The following MEGF6 variants were observed in gnomAD, a reference collection of about 807,000 sequenced individuals.
The protein encoded by MEGF6 is multiple EGF like domains 6, also known as multiple epidermal growth factor-like domains protein 6.
In MEGF6, 184 loss-of-function variants were observed where a neutral mutation model predicts 207.1. The observed-to-expected ratio is 0.89, with a 90% CI of 0.79 to 1.00. The LOEUF is 1.00. Among genes scored for constraint, MEGF6 ranks in the 50% least tolerant of loss-of-function variants. MEGF6 has a pLI of 0.00. For synonymous variants in MEGF6, 1,038 were observed against 910.0 expected (o/e 1.14, Z -2.53); for missense variants, 2,282 against 2,202.9 (o/e 1.04, Z -0.72).
chr1:3,562,549 C>T (rs760893863), intron 4 of MEGF6, among the ~76,000 whole-genome samples: 12 of 152,218 alleles, frequency 7.9e-5, no homozygotes, highest in Admixed American at 1.3e-4. Context: ...ACACTCCCTG[C>T]GCCTCTGGCT....
the MEGF6 span, among the ~76,000 whole-genome samples, chr1:3,618,797 G>A: frequency 6.6e-6 from 1 of 152,172 alleles, no homozygotes; most frequent in African/African-American, 2.4e-5. This position sits in a 1 kb window ranked among gnomAD's most constrained non-coding sequence, Gnocchi z 4.7. Flanking sequence ...GAGAGGCTGA[G>A]AAACATTCCT....
At chr1:3,562,675 C>T (rs1570143328) in intron 4 of MEGF6, among the ~76,000 whole-genome samples, 1 of 152,370 alleles carries the variant, frequency 6.6e-6, no homozygotes, top group South Asian at 2.1e-4. Context: ...TGCTGGGAAC[C>T]CCCCAGGTCG....
At chr1:3,534,711 C>A (rs1642274181) in intron 4 of MEGF6, among the ~76,000 whole-genome samples, 1 of 152,252 alleles carries the variant, frequency 6.6e-6, no homozygotes, top group African/African-American at 2.4e-5. Flanking sequence ...GGGCGGGGGA[C>A]GTCCTGGGAA....
intron 3 of MEGF6, among the ~76,000 whole-genome samples, chr1:3,593,402 C>T (rs1644010585): frequency 6.6e-6 from 1 of 152,052 alleles, no homozygotes; most frequent in Non-Finnish European, 1.5e-5. Flanking sequence ...CCTCTACCTG[C>T]AGTTGCCTTC....
intron 4 of MEGF6, among the ~76,000 whole-genome samples, chr1:3,554,038 C>T (rs956931049): frequency 6.6e-6 from 1 of 152,226 alleles, no homozygotes; most frequent in Non-Finnish European, 1.5e-5. Flanking sequence ...CCTGTGCGAG[C>T]TTGCTCTGTG....
Position 3,500,642 on chromosome 1 carries a change from A to G in MEGF6, c.2698T>C (p.Cys900Arg), listed in dbSNP as rs1233000427. ...LCEAGYVGPR[C>R]EQQCPQGHFG... ...CAGGGCCGGGACTCACGCTGCTCGC[A>G]CCGCGGGCCCACGTAGCCAGCCTCA... The change falls in exon 21 of 37, where the codon TGC becomes CGC. Residue 900 changes from cysteine to arginine, a missense_variant. By Grantham distance (180) the Cys-to-Arg change is radical. Coordinates refer to ENST00000356575, the MANE Select transcript of MEGF6 (RefSeq NM_001409.4). 2 of 1,558,322 alleles carry G rather than the reference A, an allele frequency of 1.3e-6. No individual in the cohort carries two copies. Among genetic ancestry groups the G allele is most frequent in the Admixed American group, 3.8e-5 (2 of 52,166 alleles).
intron 4 of MEGF6, among the ~76,000 whole-genome samples, chr1:3,526,220 G>A (rs914692497): frequency 4.6e-5 from 7 of 152,290 alleles, no homozygotes; most frequent in East Asian, 3.9e-4. Flanking sequence ...GTAGTGCCCC[G>A]GCCAGAGAGG....
At chr1:3,543,839 C>G (rs1483607239) in intron 4 of MEGF6, among the ~76,000 whole-genome samples, 2 of 152,226 alleles carry the variant, frequency 1.3e-5, no homozygotes, top group African/African-American at 4.8e-5. Context: ...CGTCACCATG[C>G]TGGGCTCTGC....
intron 4 of MEGF6, among the ~76,000 whole-genome samples, chr1:3,542,231 C>T (rs796649810): frequency 1.9e-4 from 29 of 152,368 alleles, no homozygotes; most frequent in African/African-American, 6.5e-4. Context: ...GGGGTCCACC[C>T]GGCCCTGGAG....
chr1:3,513,577 CTTTTTT>C (rs757815891), intron 7 of MEGF6, among the ~76,000 whole-genome samples: 14 of 56,564 alleles, frequency 2.5e-4, no homozygotes, highest in African/African-American at 5.9e-4. Flanking sequence ...CACACCTGGG[CTTTTTT>C]TTTTTTTTTT....
At chr1:3,610,939 G>A (rs1644316415) in intron 1 of MEGF6, among the ~76,000 whole-genome samples, 199 bp downstream of exon 1, 2 of 152,222 alleles carry the variant, frequency 1.3e-5, no homozygotes, top group African/African-American at 4.8e-5. Flanking sequence ...AGGGGACACG[G>A]CGAGGGGCCC....
At chr1:3,592,256 G>A (rs1643991564) in intron 3 of MEGF6, among the ~76,000 whole-genome samples, 1 of 152,330 alleles carries the variant, frequency 6.6e-6, no homozygotes, top group Middle Eastern at 3.4e-3. Context: ...GGGCCTGCAG[G>A]CTTCCCTGCC....
At chr1:3,538,745 T>TGAGA (rs57713922) in intron 4 of MEGF6, among the ~76,000 whole-genome samples, 1 of 126,424 alleles carries the variant, frequency 7.9e-6, no homozygotes, top group Non-Finnish European at 1.7e-5. Context: ...TGTGTGTGTG[T>TGAGA]CCGCGCTGTC....
At chr1:3,529,055 T>C (rs1327695883) in intron 4 of MEGF6, among the ~76,000 whole-genome samples, 2 of 152,198 alleles carry the variant, frequency 1.3e-5, no homozygotes, top group Admixed American at 6.5e-5. Context: ...CCTGTGCCTC[T>C]GTGGGGCTGG....
At chr1:3,610,475 CT>C (rs1402934993) in intron 1 of MEGF6, among the ~76,000 whole-genome samples, 149 of 100,428 alleles carry the variant, frequency 1.5e-3, no homozygotes, top group African/African-American at 6.6e-3. Flanking sequence ...AGCGACTCCC[CT>C]CCTCCTCCTC....
intron 4 of MEGF6, among the ~76,000 whole-genome samples, chr1:3,535,754 G>C (rs1461049306): frequency 1.3e-5 from 2 of 152,214 alleles, no homozygotes; most frequent in African/African-American, 4.8e-5. Context: ...GAGGAGAAAT[G>C]ACTTCCCCAG....
the MEGF6 span, among the ~76,000 whole-genome samples, chr1:3,619,138 C>T: frequency 6.6e-6 from 1 of 152,254 alleles, no homozygotes; most frequent in Non-Finnish European, 1.5e-5. Context: ...TACACACACC[C>T]AGCGTGAAGC....
At chr1:3,599,917 C>T (rs985590219) in intron 2 of MEGF6, among the ~76,000 whole-genome samples, 3 of 152,138 alleles carry the variant, frequency 2.0e-5, no homozygotes, top group African/African-American at 7.2e-5. Context: ...CGACCCCAGG[C>T]CCAGGAAATA....
Position 3,603,323 on chromosome 1 carries a change from AGGGACCC to A in MEGF6, c.132-730_132-724del, listed in dbSNP as rs199828290. On this transcript the variant is annotated intron_variant, in intron 1 of 36. Transcript: ENST00000356575. ...CCCTGCGGGGGGAAGGGTCAGAGGG[AGGGACCC>A]TCCAAAGACAGCCACACGGGCCAGC... 7.8e-3 allele frequency among the ~76,000 whole-genome samples: 1,172 copies of A among 151,202 alleles called. 15 individuals are homozygous for A. The highest frequency in any genetic ancestry group is 0.027 in the African/African-American group (1,109 of 40,720).
Sources: gnomAD v4.1 joint callset for allele counts (sites outside exome capture counted in the v4.1 genomes callset) on GRCh38, gnomAD v4.1.1 for gene constraint, Gnocchi (gnomAD v3.1) non-coding constraint, MANE v1.5 for transcripts, NCBI Gene and HGNC (gene_info 2026-07-23, HGNC 2026-07-21) for gene names.